The following SAMSN1 variants were observed in gnomAD, a reference collection of about 807,000 sequenced individuals.
SAMSN1 encodes SAM domain-containing protein SAMSN-1.
Under a neutral mutation model 42.0 loss-of-function variants are expected in SAMSN1, and 31 were observed. That is an observed-to-expected ratio of 0.74 (90% CI 0.55 to 1.00). The LOEUF (loss-of-function observed/expected upper bound fraction) is 1.00, where lower values mean the gene tolerates loss of function less well. Ranked by LOEUF, SAMSN1 falls within the 50% of genes least tolerant of loss-of-function variation. The pLI is 0.00. For synonymous variants in SAMSN1, 178 were observed against 151.9 expected, an observed-to-expected ratio of 1.17 and a Z score of -1.26; for missense variants, 464 against 439.4, an observed-to-expected ratio of 1.06 and a Z score of -0.50.
chr21:14,556,598 TG>T (rs1600928279), intron 2 of SAMSN1, among the ~76,000 whole-genome samples: 1 of 152,188 alleles, frequency 6.6e-6, no homozygotes, highest in Non-Finnish European at 1.5e-5. Context: ...CTTAGGAGAC[TG>T]AGTATATTGT....
At chr21:14,577,505 C>T (rs554959309) in intron 2 of SAMSN1, among the ~76,000 whole-genome samples, 1 of 151,696 alleles carries the variant, frequency 6.6e-6, no homozygotes, top group East Asian at 1.9e-4. Context: ...ATTATAAAAA[C>T]ATATGAAAGG....
chr21:14,614,471 G>A (rs1982782369), intron 3 of SAMSN1, among the ~76,000 whole-genome samples: 1 of 152,138 alleles, frequency 6.6e-6, no homozygotes, highest in South Asian at 2.1e-4. Flanking sequence ...CAATTCATGT[G>A]TGTGGGTAAA....
At chr21:14,597,525 C>T (rs757485067) in intron 6 of SAMSN1, among the ~76,000 whole-genome samples, 9 of 152,152 alleles carry the variant, frequency 5.9e-5, no homozygotes, top group Non-Finnish European at 8.8e-5. Flanking sequence ...AGTCTAGACA[C>T]TGTTTAACTG....
intron 2 of SAMSN1, among the ~76,000 whole-genome samples, chr21:14,616,314 A>T (rs974194671): frequency 2.9e-5 from 4 of 137,326 alleles, no homozygotes; most frequent in African/African-American, 9.4e-5. Flanking sequence ...TTGCCAGTTT[A>T]AAAAAAAACA....
At chr21:14,622,385 A>G (rs1008101830) in intron 2 of SAMSN1, among the ~76,000 whole-genome samples, 2 of 151,968 alleles carry the variant, frequency 1.3e-5, no homozygotes, top group Non-Finnish European at 2.9e-5. Context: ...AAAAGATTAG[A>G]CGAATGGCTA....
At chr21:14,558,703 A>G (rs1980843516) in intron 2 of SAMSN1, among the ~76,000 whole-genome samples, 1 of 151,990 alleles carries the variant, frequency 6.6e-6, no homozygotes, top group South Asian at 2.1e-4. Context: ...AACAAAAACA[A>G]CAACAACAAC....
intron 1 of SAMSN1, among the ~76,000 whole-genome samples, chr21:14,646,337 C>G (rs1307662336): frequency 6.6e-6 from 1 of 152,130 alleles, no homozygotes; most frequent in Non-Finnish European, 1.5e-5. Flanking sequence ...CAGTGGAAAC[C>G]TTACAGGCCA....
chr21:14,617,788 C>T (rs920006838), intron 2 of SAMSN1, among the ~76,000 whole-genome samples: 12 of 152,230 alleles, frequency 7.9e-5, no homozygotes, highest in Admixed American at 2.0e-4. Context: ...CAGGATTCCT[C>T]TGCCTTTGCT....
intron 1 of SAMSN1, among the ~76,000 whole-genome samples, chr21:14,538,489 A>G (rs1281537425): frequency 1.3e-5 from 2 of 152,242 alleles, no homozygotes; most frequent in South Asian, 4.1e-4. Context: ...ATTAAACATA[A>G]TAATGGACAT....
intron 1 of SAMSN1, among the ~76,000 whole-genome samples, chr21:14,643,286 T>C (rs77459538): frequency 0.017 from 2,655 of 152,296 alleles, 76 homozygotes; most frequent in African/African-American, 0.061. Context: ...CTTTCAACAG[T>C]GAACAATACA....
intron 7 of SAMSN1, among the ~76,000 whole-genome samples, chr21:14,493,416 AT>A (rs1986776753): frequency 6.6e-6 from 1 of 152,116 alleles, no homozygotes; most frequent in Non-Finnish European, 1.5e-5. Flanking sequence ...CATAGACACA[AT>A]TTTAAGACAC....
intron 7 of SAMSN1, among the ~76,000 whole-genome samples, chr21:14,491,323 G>T (rs148732774): frequency 6.6e-6 from 1 of 150,708 alleles, no homozygotes; most frequent in African/African-American, 2.5e-5. Context: ...GCCCAGGCTC[G>T]TCTTGAACTC....
intron 2 of SAMSN1, among the ~76,000 whole-genome samples, chr21:14,569,231 G>A (rs1362283606): frequency 2.0e-5 from 3 of 152,114 alleles, no homozygotes; most frequent in Non-Finnish European, 4.4e-5. Flanking sequence ...GAAGATAGAG[G>A]CTGCAGTGAG....
At chr21:14,523,767 G>A (rs1231503150) in intron 1 of SAMSN1, among the ~76,000 whole-genome samples, 1 of 152,096 alleles carries the variant, frequency 6.6e-6, no homozygotes, top group Admixed American at 6.5e-5. Flanking sequence ...TGCACAGGAG[G>A]GCACAGAATA....
chr21:14,534,150 A>G (rs897734842), intron 1 of SAMSN1, among the ~76,000 whole-genome samples: 3 of 152,234 alleles, frequency 2.0e-5, no homozygotes, highest in Non-Finnish European at 2.9e-5. Context: ...TTTACAAACT[A>G]TCTTCTGGAG....
chr21:14,583,932 T>C (rs900863834), upstream of SAMSN1, among the ~76,000 whole-genome samples: 2 of 152,132 alleles, frequency 1.3e-5, no homozygotes, highest in Non-Finnish European at 2.9e-5. Flanking sequence ...CACACCATAC[T>C]TTTTGGGTTC....
intron 2 of SAMSN1, among the ~76,000 whole-genome samples, chr21:14,571,479 A>G (rs1007145137): frequency 1.3e-5 from 2 of 152,180 alleles, no homozygotes; most frequent in African/African-American, 4.8e-5. Context: ...CTTACACTGA[A>G]TATTCATAAG....
chr21:14,637,964 GAC>G (rs778594690), intron 2 of SAMSN1, among the ~76,000 whole-genome samples: 2 of 152,128 alleles, frequency 1.3e-5, no homozygotes, highest in Non-Finnish European at 2.9e-5. Context: ...TGAGTGTAGT[GAC>G]ACCAATTATG....
intron 2 of SAMSN1, among the ~76,000 whole-genome samples, chr21:14,573,946 T>C (rs892109638): frequency 5.3e-5 from 8 of 152,198 alleles, no homozygotes; most frequent in African/African-American, 1.4e-4. Flanking sequence ...ATAGTTTGCT[T>C]AGCAGTATTT....
Sources: allele counts gnomAD v4.1 joint callset (sites outside exome capture counted in the v4.1 genomes callset), GRCh38; gene constraint gnomAD v4.1.1; transcripts MANE v1.5; gene names NCBI Gene and HGNC (gene_info 2026-07-23, HGNC 2026-07-21).